Variants in ANXA2 observed in about 807,000 individuals in gnomAD.
ANXA2 encodes the protein annexin A2.
ANXA2 carries 28 observed loss-of-function variants against 47.3 expected under a neutral mutation model. That is an observed-to-expected ratio of 0.59 (90% confidence interval 0.44 to 0.81). The LOEUF (loss-of-function observed/expected upper bound fraction) is 0.81. Among genes scored for constraint, ANXA2 ranks in the 40% least tolerant of loss-of-function variants. The pLI, the probability that ANXA2 is intolerant of heterozygous loss-of-function variation, is 0.00. For synonymous variants in ANXA2, 172 were observed against 155.5 expected, an observed-to-expected ratio of 1.11 and a Z score of -0.79; for missense variants, 384 against 414.3, an observed-to-expected ratio of 0.93 and a Z score of 0.64.
At chr15:60,367,387 G>A (rs1353327792) in intron 3 of ANXA2, among the ~76,000 whole-genome samples, 1 of 71,638 alleles carries the variant, frequency 1.4e-5, no homozygotes, top group Non-Finnish European at 2.8e-5. Flanking sequence ...CGGTCCGGGA[G>A]GGAGGCGGGG....
At chr15:60,375,824 G>T (rs577470697) in intron 3 of ANXA2, among the ~76,000 whole-genome samples, 1 of 152,152 alleles carries the variant, frequency 6.6e-6, no homozygotes, top group Non-Finnish European at 1.5e-5. Context: ...CACAATAAAC[G>T]AGTATGTAGA....
intron 1 of ANXA2, chr15:60,394,781 C>T (rs1281504410): frequency 6.6e-6 from 1 of 152,054 alleles, no homozygotes; most frequent in Non-Finnish European, 1.5e-5. Context: ...TAGAACCACC[C>T]AGAAGGACAA....
chr15:60,352,351 A>G lies in ANXA2; in HGVS notation c.682+32T>C, dbSNP rs2062362545. ...CCCAGCCGCCCCAGCCAGGGCCCCA[A>G]GGCACTGAGACTCCCTCAGCACAGT... is the stretch of plus-strand genomic sequence containing the variant. On this transcript the variant is annotated intron_variant, in intron 9 of 12. Transcript: ENST00000451270. The surrounding 1 kb of genome is among the most constrained non-coding windows in gnomAD (Gnocchi z 4.2). The G allele has an allele frequency of 6.6e-7, 1 of 1,521,546 alleles. No homozygotes were observed. The allele number at this position is 1,521,546 out of a possible 1,614,324, so 94.3% of individuals were successfully genotyped here. A position where few individuals can be genotyped will look rare whatever the true frequency, so the allele number is the denominator to read the frequency against.
chr15:60,389,602 T>G (rs1400854354), intron 1 of ANXA2, among the ~76,000 whole-genome samples: 1 of 152,224 alleles, frequency 6.6e-6, no homozygotes, highest in Admixed American at 6.5e-5. Context: ...TCACCATTCA[T>G]AACTGTGCTG....
At chr15:60,363,050 A>AC (rs1224651829) in intron 4 of ANXA2, 3 of 150,814 alleles carry the variant, frequency 2.0e-5, no homozygotes, top group African/African-American at 7.4e-5. Context: ...AAAAAAAAAA[A>AC]AAAAAAAAGT....
chr15:60,348,018 C>G (rs1293734219), intron 12 of ANXA2, among the ~76,000 whole-genome samples: 1 of 152,194 alleles, frequency 6.6e-6, no homozygotes, highest in Non-Finnish European at 1.5e-5. Flanking sequence ...AACACCCTAA[C>G]TTTCCTCTCT....
At position 60,347,540 on chromosome 15, in the gene ANXA2, C is replaced by T. The variant is rs976965383; in HGVS notation, c.*90G>A. ...AACGTCACCCTCACAGGGATGGCCA[C>T]GGGGACTGTTATTCGCAAGCTGGTT... On this transcript the variant is annotated 3_prime_UTR_variant, in exon 13 of 13. Coordinates refer to ENST00000451270, the MANE Select transcript of ANXA2 (RefSeq NM_004039.3). 31 of 1,320,758 alleles carry T rather than the reference C, an allele frequency of 2.3e-5. No individual in the cohort carries two copies. The highest frequency in any genetic ancestry group is 6.9e-5 in the Admixed American group (4 of 58,180). The allele number at this position is 1,320,758 out of a possible 1,614,324, so 81.8% of individuals were successfully genotyped here. A position where few individuals can be genotyped will look rare whatever the true frequency, so the allele number is the denominator to read the frequency against.
chr15:60,369,011 A>C (rs1375424456), intron 3 of ANXA2, among the ~76,000 whole-genome samples: 1 of 152,198 alleles, frequency 6.6e-6, no homozygotes, highest in Non-Finnish European at 1.5e-5. Context: ...GGAGGCTCTA[A>C]AGCTCAGAGG....
chr15:60,354,264 A>AAT, intron 7 of ANXA2, 51 bp from the exon 8 acceptor site: 1 of 1,457,828 alleles, frequency 6.9e-7, no homozygotes, highest in Non-Finnish European at 9.5e-7. Flanking sequence ...TGTATTTTAA[A>AAT]ACTGAAAATG....
chr15:60,394,561 T>C (rs1048262906), intron 1 of ANXA2: 1 of 152,218 alleles, frequency 6.6e-6, no homozygotes, highest in Non-Finnish European at 1.5e-5. Flanking sequence ...TAGCCCGGCA[T>C]GGTGGTAGGC....
chr15:60,352,247 G>A lies in ANXA2; in HGVS notation c.682+136C>T. ...TCCAGAATGGGAGAGAAAGGTGAGG[G>A]AAAATGGGTGAGCCTATGAGAGTGC... On this transcript the variant is annotated intron_variant, in intron 9 of 12. Transcript: ENST00000451270. The surrounding 1 kb of genome is among the most constrained non-coding windows in gnomAD (Gnocchi z 4.2). 1 of 583,472 alleles carries A rather than the reference G, an allele frequency of 1.7e-6. No individual in the cohort carries two copies. Among genetic ancestry groups the A allele is most frequent in the East Asian group, 2.9e-5 (1 of 34,818 alleles). 36.1% of individuals were successfully genotyped at this position (583,472 alleles called of 1,614,324 possible).
chr15:60,374,051 GTC>G (rs1272615871), intron 3 of ANXA2, among the ~76,000 whole-genome samples: 6 of 152,214 alleles, frequency 3.9e-5, no homozygotes, highest in Non-Finnish European at 7.3e-5. Flanking sequence ...GGGGCACACA[GTC>G]TCAACTCGGG....
chr15:60,373,714 A>G (rs547537976), intron 3 of ANXA2, among the ~76,000 whole-genome samples: 5 of 152,180 alleles, frequency 3.3e-5, no homozygotes, highest in Admixed American at 6.5e-5. Context: ...AGGCCTAGGT[A>G]TCTCACCCCT....
chr15:60,379,213 G>A (rs1264081291), intron 3 of ANXA2, among the ~76,000 whole-genome samples: 1 of 152,042 alleles, frequency 6.6e-6, no homozygotes, highest in Non-Finnish European at 1.5e-5. Flanking sequence ...AGGAGGCAGA[G>A]GTTGCAGTGA....
intron 1 of ANXA2, chr15:60,390,716 A>G (rs1282281908): frequency 5.2e-6 from 1 of 190,832 alleles, no homozygotes; most frequent in Non-Finnish European, 1.1e-5. Flanking sequence ...AGGACAATAA[A>G]ATCTTGAGGT....
At chr15:60,390,169 A>C in intron 1 of ANXA2, 1 of 695,328 alleles carries the variant, frequency 1.4e-6, no homozygotes, top group Non-Finnish European at 1.8e-6. Flanking sequence ...GCAGAAAAAA[A>C]AAACAAAACA....
At chr15:60,379,998 C>G (rs1046282192) in intron 3 of ANXA2, among the ~76,000 whole-genome samples, 6 of 152,172 alleles carry the variant, frequency 3.9e-5, no homozygotes, top group Non-Finnish European at 8.8e-5. Context: ...GTGAAAAGCA[C>G]CATCTTTGCT....
intron 3 of ANXA2, among the ~76,000 whole-genome samples, chr15:60,381,019 G>A (rs1035845433): frequency 5.9e-5 from 9 of 151,818 alleles, no homozygotes; most frequent in Admixed American, 1.3e-4. Flanking sequence ...TCCTGTCTCT[G>A]GAAACAAGGT....
intron 3 of ANXA2, among the ~76,000 whole-genome samples, chr15:60,381,260 A>C (rs2062854152): frequency 6.6e-6 from 1 of 152,202 alleles, no homozygotes; most frequent in South Asian, 2.1e-4. Flanking sequence ...ATAGAAGAGA[A>C]AAATGTGACA....
Sources: gnomAD v4.1 joint callset for allele counts (sites outside exome capture counted in the v4.1 genomes callset) on GRCh38, gnomAD v4.1.1 for gene constraint, Gnocchi (gnomAD v3.1) non-coding constraint, MANE v1.5 for transcripts, NCBI Gene and HGNC (gene_info 2026-07-23, HGNC 2026-07-21) for gene names.